NT5C1B: variants seen among roughly 807,000 people sequenced by gnomAD.
NT5C1B encodes cytosolic 5'-nucleotidase 1B.
Under a neutral mutation model 57.8 loss-of-function variants are expected in NT5C1B, and 44 were observed. The ratio of observed to expected loss-of-function variants is 0.76; its 90% CI spans 0.60 to 0.98. The LOEUF (loss-of-function observed/expected upper bound fraction) is 0.98, where lower values mean the gene tolerates loss of function less well. NT5C1B is among the 50% of genes least tolerant of loss of function. The pLI is 0.00. For missense variants in NT5C1B, 742 were observed against 719.5 expected, an observed-to-expected ratio of 1.03 and a Z score of -0.36; for synonymous variants, 284 against 282.6, an observed-to-expected ratio of 1.00 and a Z score of -0.05.
chr2:18,576,349 C>T, exon 8 of NT5C1B: 4 of 1,613,064 alleles, frequency 2.5e-6, no homozygotes, highest in Non-Finnish European at 3.4e-6. Context: ...CTCCATCAAA[C>T]ATTGTCGCAG....
At position 18,587,272 on chromosome 2, in the gene NT5C1B, A is replaced by T. The variant is rs115075796; in HGVS notation, c.120+231T>A. 3,811 of 1,495,920 alleles carry T rather than the reference A, an allele frequency of 2.5e-3. 83 individuals are homozygous for T. The African/African-American group carries it at 0.046, about 18-fold the overall frequency. 92.7% of individuals were successfully genotyped at this position (1,495,920 alleles called of 1,614,324 possible). A position where few individuals can be genotyped will look rare whatever the true frequency, so the allele number is the denominator to read the frequency against. On this transcript the variant is annotated intron_variant, in intron 2 of 8. Transcript: ENST00000304081. ...TCTCCCCCCTGTGTAGGCTGAGCAG[A>T]GGAGCCTGCTGTGGTTCCACACATT... is the stretch of plus-strand genomic sequence containing the variant.
At chr2:18,568,299 A>ATT (rs1664839341) in intron 8 of NT5C1B, among the ~76,000 whole-genome samples, 1 of 152,208 alleles carries the variant, frequency 6.6e-6, no homozygotes, top group Admixed American at 6.5e-5. Context: ...GGAGAAACAC[A>ATT]CAGTAAACCC....
Position 18,584,188 on chromosome 2 carries a change from C to T in NT5C1B, c.791G>A (p.Arg264Lys). The T allele has an allele frequency of 6.2e-7, 1 of 1,614,176 alleles. No homozygotes were observed. The highest frequency in any genetic ancestry group is 8.5e-7 in the Non-Finnish European group (1 of 1,180,036). The stretch of plus-strand genomic sequence containing the variant: ...CAGACCCTCTTGCTCGTAGATTTTC[C>T]TGCCGTCCACCATGTTGAAGAGCGC... The change falls in exon 5 of 9, where the codon AGG becomes AAG. Residue 264 changes from arginine (R) to lysine (K), a missense_variant. Physicochemically the swap from Arg to Lys is conservative, Grantham distance 26. Coordinates refer to ENST00000304081, the Ensembl canonical transcript of NT5C1B. The surrounding 1 kb of genome is among the most constrained non-coding windows in gnomAD (Gnocchi z 5.8).
chr2:18,568,189 A>C (rs576955288), intron 8 of NT5C1B, among the ~76,000 whole-genome samples: 1 of 152,230 alleles, frequency 6.6e-6, no homozygotes, highest in South Asian at 2.1e-4. Flanking sequence ...ACAAAAACAG[A>C]CACATTACAT....
At chr2:18,570,178 A>G (rs1665021937) in intron 8 of NT5C1B, among the ~76,000 whole-genome samples, 1 of 152,032 alleles carries the variant, frequency 6.6e-6, no homozygotes, top group South Asian at 2.1e-4. Context: ...TCATCTATCA[A>G]AATTTGTGGG....
Position 18,563,806 on chromosome 2 carries a change from A to G in NT5C1B, c.1643T>C (p.Phe548Ser), listed in dbSNP as rs1036003032. The change falls in exon 9 of 9, where the codon TTC becomes TCC. Residue 548 changes from phenylalanine to serine, a missense_variant. Transcript: ENST00000304081. ...TTCTCCTCCCTGCCCCTAACTACTG[A>G]ATTTTTTATTAAAGCCATAAGCTGC... The G allele has an allele frequency of 5.2e-6, 8 of 1,552,608 alleles. No individual in the cohort carries two copies. The highest frequency in any genetic ancestry group is 3.8e-5 in the Admixed American group (2 of 52,384).
chr2:18,572,286 A>G (rs971326429), intron 8 of NT5C1B, among the ~76,000 whole-genome samples: 2 of 152,172 alleles, frequency 1.3e-5, no homozygotes, highest in Non-Finnish European at 1.5e-5. Context: ...CACAAATACC[A>G]TATTGACTCA....
intron 6 of NT5C1B, among the ~76,000 whole-genome samples, chr2:18,580,446 T>C (rs991146545): frequency 1.3e-5 from 2 of 152,140 alleles, no homozygotes; most frequent in African/African-American, 2.4e-5. Context: ...AAACCCTGTC[T>C]CTACTAAAAA....
intron 2 of NT5C1B, chr2:18,586,932 C>G: frequency 6.2e-7 from 1 of 1,612,044 alleles, no homozygotes; most frequent in South Asian, 1.1e-5. Context: ...TTGCCATATT[C>G]TTCCCCTCAC....
At chr2:18,574,851 A>C (rs1665535214) in intron 8 of NT5C1B, among the ~76,000 whole-genome samples, 1 of 152,092 alleles carries the variant, frequency 6.6e-6, no homozygotes. Context: ...TTAAAAGACA[A>C]GGAGAGTGCT....
At chr2:18,568,658 G>A (rs1458818856) in intron 8 of NT5C1B, among the ~76,000 whole-genome samples, 1 of 152,206 alleles carries the variant, frequency 6.6e-6, no homozygotes, top group African/African-American at 2.4e-5. Context: ...CTAAGCTAAA[G>A]GGAAAAGTCA....
chr2:18,580,623 A>C (rs1489816672), intron 6 of NT5C1B, among the ~76,000 whole-genome samples: 1 of 152,230 alleles, frequency 6.6e-6, no homozygotes, highest in Non-Finnish European at 1.5e-5. Context: ...CTCAAAAAAA[A>C]CAAAAAGAAT....
At chr2:18,569,860 A>G (rs1664992457) in intron 8 of NT5C1B, among the ~76,000 whole-genome samples, 1 of 152,150 alleles carries the variant, frequency 6.6e-6, no homozygotes, top group African/African-American at 2.4e-5. Flanking sequence ...ATTAATTTAC[A>G]TAATCTGATT....
chr2:18,575,033 A>C (rs1287611108), intron 8 of NT5C1B, among the ~76,000 whole-genome samples: 1 of 152,088 alleles, frequency 6.6e-6, no homozygotes, highest in Non-Finnish European at 1.5e-5. Context: ...AAAATGTAAA[A>C]TCTAAAAGAA....
rs555657638 is a variant in NT5C1B at position 18,589,524 on chromosome 2, C to G, written c.-56G>C. ...ATCCACATTTTTGTCTCCCCAGCTC[C>G]ATTTCCTGTCACTTCCCTTGCTCAG... On this transcript the variant is annotated 5_prime_UTR_variant, in exon 1 of 9. An upstream start codon of the reference 5' UTR is lost. Coordinates refer to ENST00000304081, the Ensembl canonical transcript of NT5C1B. 3.7e-6 allele frequency: 6 copies of G among 1,613,126 alleles called. No individual in the cohort carries two copies. Among genetic ancestry groups the G allele is most frequent in the Middle Eastern group, 1.7e-4 (1 of 6,060 alleles).
chr2:18,589,352 G>C (rs1666993013), intron 1 of NT5C1B, 87 bp downstream of exon 1: 1 of 1,559,488 alleles, frequency 6.4e-7, no homozygotes, highest in Non-Finnish European at 8.8e-7. Context: ...TTTGATCATT[G>C]CAGAGCCTTT....
At chr2:18,570,921 A>C (rs1185967270) in intron 8 of NT5C1B, among the ~76,000 whole-genome samples, 1 of 152,190 alleles carries the variant, frequency 6.6e-6, no homozygotes, top group Non-Finnish European at 1.5e-5. Flanking sequence ...ATAACAACAG[A>C]CTAAAGGGGA....
At chr2:18,564,506 T>C (rs1664462485) in intron 8 of NT5C1B, among the ~76,000 whole-genome samples, 1 of 152,212 alleles carries the variant, frequency 6.6e-6, no homozygotes, top group African/African-American at 2.4e-5. Flanking sequence ...TTTAATTTGC[T>C]TTTTGTGAAT....
chr2:18,587,345 T>G, intron 2 of NT5C1B, 158 bp downstream of exon 2: 2 of 985,436 alleles, frequency 2.0e-6, no homozygotes, highest in Non-Finnish European at 2.4e-6. Flanking sequence ...GGGCCCAACC[T>G]TTCCTAGTTC....
Sources: gnomAD v4.1 joint callset for allele counts (sites outside exome capture counted in the v4.1 genomes callset) on GRCh38, gnomAD v4.1.1 for gene constraint, Gnocchi (gnomAD v3.1) non-coding constraint, MANE v1.5 for transcripts, NCBI Gene and HGNC (gene_info 2026-07-23, HGNC 2026-07-21) for gene names.